Variants in CLUH observed in about 807,000 individuals in gnomAD.
The protein encoded by CLUH is CLUH binding protein of NUMT mRNA.
Under a neutral mutation model 139.3 loss-of-function variants are expected in CLUH, and 77 were observed. That is an observed-to-expected ratio of 0.55 (90% CI 0.46 to 0.67). The LOEUF is 0.67. Ranked by LOEUF, CLUH falls within the 30% of genes least tolerant of loss-of-function variation. The pLI, the probability that CLUH is intolerant of heterozygous loss-of-function variation, is 0.00. For missense variants in CLUH, 1,876 were observed against 1,875.8 expected, an observed-to-expected ratio of 1.00 and a Z score of 0.00; for synonymous variants, 999 against 801.6, an observed-to-expected ratio of 1.25 and a Z score of -4.16.
chr17:2,709,867 C>T (rs749535276), intron 1 of CLUH, among the ~76,000 whole-genome samples: 1 of 152,120 alleles, frequency 6.6e-6, no homozygotes, highest in Non-Finnish European at 1.5e-5. Flanking sequence ...TTCCCAGGGA[C>T]GTAGGAGCCC....
intron 10 of CLUH, among the ~76,000 whole-genome samples, chr17:2,697,281 A>G (rs2151705189): frequency 6.6e-6 from 1 of 152,170 alleles, no homozygotes; most frequent in African/African-American, 2.4e-5. Context: ...CGCCTGTAAT[A>G]CCAGCTATTC....
At chr17:2,711,143 G>A (rs369754896) in intron 1 of CLUH, 1 of 152,280 alleles carries the variant, frequency 6.6e-6, no homozygotes. Context: ...ATGCCTGGGA[G>A]GCCGCCGCGG....
At chr17:2,699,789 A>G (rs573526078) in intron 9 of CLUH, among the ~76,000 whole-genome samples, 4 of 151,728 alleles carry the variant, frequency 2.6e-5, no homozygotes, top group Non-Finnish European at 5.9e-5. Context: ...GCGCCACCAC[A>G]CCCAGCTAAT....
At chr17:2,694,406 G>T in intron 17 of CLUH, 74 bp downstream of exon 17, 1 of 1,529,788 alleles carries the variant, frequency 6.5e-7, no homozygotes, top group South Asian at 1.2e-5. Flanking sequence ...CCCTGGCCAG[G>T]AGTGGGAGCC....
chr17:2,692,803 G>T lies in CLUH; in HGVS notation c.3289C>A (p.His1097Asn). The part of the protein sequence containing the change: ...LMSERVMGTE[H>N]PNTIQEYMHL... ...ACGTATTCCTGGATGGTGTTGGGGT[G>T]CTCGGTGCCCATCACCCGCTCGCTC... The change falls in exon 20 of 26, where the codon CAC becomes AAC. Residue 1097 changes from histidine to asparagine, a missense_variant. His to Asn is a moderately conservative substitution (Grantham distance 68). This residue lies in a region of CLUH where 1,454 missense variants were observed against 1,384.4 expected (regional missense o/e 1.05). Coordinates refer to ENST00000651024, the MANE Select transcript of CLUH (RefSeq NM_001366661.1). 1 of 1,603,138 alleles carries T rather than the reference G, an allele frequency of 6.2e-7. No individual in the cohort carries two copies.
chr17:2,707,938 C>A lies in CLUH; in HGVS notation c.101-3374G>T, dbSNP rs2070396189. 12 of 985,466 alleles carry A rather than the reference C, an allele frequency of 1.2e-5. No homozygotes were observed. The highest frequency in any genetic ancestry group is 1.4e-5 in the Non-Finnish European group (12 of 829,932). 61.0% of individuals were successfully genotyped at this position (985,466 alleles called of 1,614,324 possible). On this transcript the variant is annotated intron_variant, in intron 1 of 25. Transcript: ENST00000651024. The surrounding 1 kb of genome is among the most constrained non-coding windows in gnomAD (Gnocchi z 7.4). ...CCCAGAGGACAACTGCACCCGTGCC[C>A]CTGGCCTCCAGGCTCCATCAAGAAG...
chr17:2,704,642 C>A lies in CLUH; in HGVS notation c.101-78G>T. On this transcript the variant is annotated intron_variant, in intron 1 of 25. Transcript: ENST00000651024. This position sits in a 1 kb window ranked among gnomAD's most constrained non-coding sequence, Gnocchi z 5.7. ...CTGTCCGCCTGACCCCACACGGGGACACGTGCCTTCTGGAAAGGCATCTGC... is the reference window on the plus strand; with the variant it reads ...CTGTCCGCCTGACCCCACACGGGGAAACGTGCCTTCTGGAAAGGCATCTGC... 7.3e-7 allele frequency: 1 copy of A among 1,366,976 alleles called. No individual in the cohort carries two copies. The highest frequency in any genetic ancestry group is 1.4e-5 in the South Asian group (1 of 71,282). 84.7% of individuals were successfully genotyped at this position (1,366,976 alleles called of 1,614,324 possible). A position where few individuals can be genotyped will look rare whatever the true frequency, so the allele number is the denominator to read the frequency against.
intron 7 of CLUH, 41 bp from the exon 8 acceptor site, chr17:2,700,866 AG>A (rs780476314): frequency 1.3e-6 from 2 of 1,504,548 alleles, no homozygotes; most frequent in Non-Finnish European, 1.8e-6. Context: ...CAGCCCACCA[AG>A]CTCAGAGCCC....
Position 2,701,268 on chromosome 17 carries a change from G to A in CLUH, c.900-3C>T, listed in dbSNP as rs773078175. On this transcript the variant is annotated splice_polypyrimidine_tract_variant and splice_region_variant and intron_variant, in intron 6 of 25. Coordinates refer to ENST00000651024, the MANE Select transcript of CLUH (RefSeq NM_001366661.1). ...GGTTGAAGTGATAAGCTGTGGACCT[G>A]CAGGGAGAGGGCGGGCACTGAGCGG... is the stretch of plus-strand genomic sequence containing the variant. 1.9e-6 allele frequency: 3 copies of A among 1,611,684 alleles called. No homozygotes were observed. Among genetic ancestry groups the A allele is most frequent in the Admixed American group, 1.7e-5 (1 of 59,682 alleles).
chr17:2,691,849 T>C lies in CLUH; in HGVS notation c.3701A>G (p.Lys1234Arg). 6.4e-7 allele frequency: 1 copy of C among 1,553,996 alleles called. No homozygotes were observed. The highest frequency in any genetic ancestry group is 8.7e-7 in the Non-Finnish European group (1 of 1,150,460). Residue 1234 changes from lysine (K) to arginine (R), a missense_variant, in exon 24 of 26, where the codon AAG becomes AGG. By Grantham distance (26) the Lys-to-Arg change is conservative. This residue lies in a region of CLUH where 1,454 missense variants were observed against 1,384.4 expected (regional missense o/e 1.05). Coordinates refer to ENST00000651024, the MANE Select transcript of CLUH (RefSeq NM_001366661.1). ...EKTKESSEYL[K>R]CLTQQAVALQ... ...GGCCACGGCCTGCTGGGTCAGGCACTTGAGGTACTCGGAGCTTTCCTTGGT... is the reference window on the plus strand; with the variant it reads ...GGCCACGGCCTGCTGGGTCAGGCACCTGAGGTACTCGGAGCTTTCCTTGGT...
At position 2,694,487 on chromosome 17, in the gene CLUH, CCT is replaced by C. The variant is rs1412540275; in HGVS notation, c.2928_2929del (p.Gly977AspfsTer61). The stretch of plus-strand genomic sequence containing the variant: ...GCTGTGAGCCATGCCCACCTGGATC[CCT>C]GTTTTCAGCGAGATCTCCCGCAGGA... On this transcript the variant is annotated frameshift_variant, in exon 17 of 26. Coordinates refer to ENST00000651024, the MANE Select transcript of CLUH (RefSeq NM_001366661.1). LOFTEE classifies it high-confidence loss of function. 1 of 1,578,008 alleles carries C rather than the reference CCT, an allele frequency of 6.3e-7. No homozygotes were observed. Among genetic ancestry groups the C allele is most frequent in the African/African-American group, 1.3e-5 (1 of 74,166 alleles).
chr17:2,694,822 T>TGCCCCCCCCCCCCCCCCCCCCCCCC, intron 16 of CLUH, 35 bp downstream of exon 16: 1 of 1,346,338 alleles, frequency 7.4e-7, no homozygotes, highest in Non-Finnish European at 1.0e-6. Context: ...ATCTGCCCAA[T>TGCCCCCCCCCCCCCCCCCCCCCCCC]CCCACCCACC....
In CLUH at chr17:2,701,727, C is replaced by A. The variant is rs777979457; in HGVS notation, c.630G>T (p.Lys210Asn). Residue 210 changes from lysine (K) to asparagine (N), a missense_variant, in exon 5 of 26, where the codon AAG becomes AAT. This residue lies in a region of CLUH where 270 missense variants were observed against 354.7 expected (regional missense o/e 0.76). Transcript: ENST00000651024. ...FTDGDLGDSG[K>N]RKKGLEMDPI... ...GGTCCATCTCCAAGCCCTTCTTCCG[C>A]TTCCCGCTGTCTGAGGGACCCGAGG... The A allele has an allele frequency of 1.3e-6, 2 of 1,566,810 alleles. No homozygotes were observed. Among genetic ancestry groups the A allele is most frequent in the Non-Finnish European group, 1.7e-6 (2 of 1,156,120 alleles).
chr17:2,694,800 G>C (rs2069865077), intron 16 of CLUH, 57 bp downstream of exon 16: 2 of 1,461,592 alleles, frequency 1.4e-6, no homozygotes, highest in Non-Finnish European at 1.8e-6. Context: ...GGGAGCAGGT[G>C]GTGGCCGCCT....
Position 2,701,907 on chromosome 17 carries a change from C to G in CLUH, c.619+7G>C, listed in dbSNP as rs2070196741. ...GGCCCAATCCCCGGCCCCAGTGCCT[C>G]CCGCACCTCCCAGGTCGCCGTCGGT... On this transcript the variant is annotated splice_region_variant and intron_variant, in intron 4 of 25. Transcript: ENST00000651024. 1 of 1,613,420 alleles carries G rather than the reference C, an allele frequency of 6.2e-7. No individual in the cohort carries two copies. Among genetic ancestry groups the G allele is most frequent in the African/African-American group, 1.3e-5 (1 of 74,952 alleles).
chr17:2,692,545 T>C lies in CLUH; in HGVS notation c.3438+26A>G, dbSNP rs965795383. On this transcript the variant is annotated intron_variant, in intron 21 of 25. Transcript: ENST00000651024. ...GTCCCCTGGGATGGAGCTGGGTCCC[T>C]GCCGCCCCCCCGCCCCAGCACTCAC... 8.7e-6 allele frequency: 14 copies of C among 1,601,938 alleles called. No individual in the cohort carries two copies. The African/African-American group carries it at 1.6e-4, about 19-fold the overall frequency.
At chr17:2,695,131 G>A in intron 15 of CLUH, 30 bp from the exon 16 acceptor site, 1 of 1,612,576 alleles carries the variant, frequency 6.2e-7, no homozygotes, top group Non-Finnish European at 8.5e-7. Flanking sequence ...CGAGTCATGA[G>A]GGCCCTCAGC....
intron 9 of CLUH, among the ~76,000 whole-genome samples, chr17:2,699,311 G>A (rs1165180176): frequency 2.6e-5 from 4 of 152,136 alleles, no homozygotes; most frequent in Non-Finnish European, 2.9e-5. Context: ...ATCATCTCTA[G>A]GCAGTATAAC....
rs1029437119 is a variant in CLUH, at chr17:2,694,716, C to T, written c.2852+141G>A. 8.3e-5 allele frequency: 113 copies of T among 1,353,678 alleles called. 2 individuals are homozygous for T. In the African/African-American group the frequency reaches 1.5e-3, roughly 18 times the overall value. 83.9% of individuals were successfully genotyped at this position (1,353,678 alleles called of 1,614,324 possible). On this transcript the variant is annotated intron_variant, in intron 16 of 25. Transcript: ENST00000651024. ...TCCCGGCTGCCCTCACCCTCCAGCA[C>T]CCAGTGATCTCCACAGCTGCTCCCT...
Sources: allele counts gnomAD v4.1 joint callset (sites outside exome capture counted in the v4.1 genomes callset), GRCh38; gene constraint gnomAD v4.1.1; regional missense constraint gnomAD v4.1.1; non-coding constraint Gnocchi (gnomAD v3.1); transcripts MANE v1.5; gene names NCBI Gene and HGNC (gene_info 2026-07-23, HGNC 2026-07-21).